The following SIDT1 variants were observed in gnomAD, a reference collection of about 807,000 sequenced individuals.
SIDT1 encodes SID1 transmembrane family, member 1.
SIDT1 carries 101 observed loss-of-function variants against 107.5 expected under a neutral mutation model. The observed-to-expected ratio is 0.94, with a 90% confidence interval of 0.80 to 1.11. The LOEUF is 1.11. Ranked by LOEUF, SIDT1 falls within the 50% of genes least tolerant of loss-of-function variation. The pLI is 0.00. For synonymous variants in SIDT1, 395 were observed against 398.2 expected (o/e 0.99, Z 0.10); for missense variants, 1,076 against 1,058.2 (o/e 1.02, Z -0.23).
intron 1 of SIDT1, among the ~76,000 whole-genome samples, chr3:113,555,671 TG>T (rs1940775045): frequency 6.6e-6 from 1 of 152,172 alleles, no homozygotes; most frequent in African/African-American, 2.4e-5. Context: ...GTCTGGAAAC[TG>T]CTTCTTTCTG....
At chr3:113,556,888 C>T (rs1315612002) in intron 1 of SIDT1, among the ~76,000 whole-genome samples, 1 of 139,644 alleles carries the variant, frequency 7.2e-6, no homozygotes, top group Non-Finnish European at 1.5e-5. Flanking sequence ...GGCAGGATCT[C>T]GCCTCACCGC....
chr3:113,636,445 C>A, the SIDT1 span, among the ~76,000 whole-genome samples: 1 of 151,966 alleles, frequency 6.6e-6, no homozygotes, highest in Non-Finnish European at 1.5e-5. Context: ...ATTTGCACAT[C>A]GCTTCATGGC....
chr3:113,620,604 TG>T (rs3841950), intron 21 of SIDT1, among the ~76,000 whole-genome samples: 4,371 of 152,196 alleles, frequency 0.029, 132 homozygotes, highest in East Asian at 0.11. Flanking sequence ...GAGTCCTATC[TG>T]GGGGGCATGT....
At chr3:113,593,210 A>G (rs1354008906) in intron 10 of SIDT1, among the ~76,000 whole-genome samples, 162 bp downstream of exon 10, 3 of 152,186 alleles carry the variant, frequency 2.0e-5, no homozygotes, top group Non-Finnish European at 4.4e-5. Flanking sequence ...AAAGCTAGTG[A>G]AAACCAATTC....
At chr3:113,588,994 C>T (rs1250201604) in intron 9 of SIDT1, among the ~76,000 whole-genome samples, 1 of 152,284 alleles carries the variant, frequency 6.6e-6, no homozygotes, top group African/African-American at 2.4e-5. Flanking sequence ...GGGCTGGCCT[C>T]AGCTGCACTT....
chr3:113,634,698 G>A, the SIDT1 span, among the ~76,000 whole-genome samples: 35 of 152,202 alleles, frequency 2.3e-4, no homozygotes, highest in African/African-American at 8.4e-4. Flanking sequence ...CAGCTACTAG[G>A]GAGGCTGAGG....
chr3:113,596,609 G>A (rs924330034), intron 10 of SIDT1, among the ~76,000 whole-genome samples: 2 of 152,080 alleles, frequency 1.3e-5, no homozygotes, highest in Non-Finnish European at 2.9e-5. Flanking sequence ...CCAAAGACAG[G>A]GCATCTGTGA....
rs146236482 is a variant in SIDT1, at chr3:113,588,077, A to G, written c.1001+2807A>G. Among the ~76,000 whole-genome samples the G allele has an allele frequency of 2.6e-5, 4 of 152,346 alleles. No individual in the cohort carries two copies. The East Asian group carries it at 7.7e-4, about 29-fold the overall frequency. Reference sequence around the variant, plus strand: ...CAGGAGTGTTCCTCATTAGTTAGCTAGTATAGTTAACATACAAACAGACAA... The same window carrying G: ...CAGGAGTGTTCCTCATTAGTTAGCTGGTATAGTTAACATACAAACAGACAA... On this transcript the variant is annotated intron_variant, in intron 9 of 24. Transcript: ENST00000264852.
intron 7 of SIDT1, 116 bp downstream of exon 7, chr3:113,583,612 G>A: frequency 3.3e-6 from 2 of 608,488 alleles, no homozygotes; most frequent in East Asian, 2.7e-5. Flanking sequence ...CCATCATCAT[G>A]ATGGGAAAGG....
chr3:113,601,817 G>A, intron 11 of SIDT1, 158 bp downstream of exon 11: 1 of 544,838 alleles, frequency 1.8e-6, no homozygotes, highest in Non-Finnish European at 3.2e-6. Context: ...AGATTTGGAA[G>A]CTTCCTCCCA....
In SIDT1 at chr3:113,604,918, T is replaced by A. The variant is rs1421380138; in HGVS notation, c.1346T>A (p.Ile449Asn). The A allele has an allele frequency of 1.2e-6, 2 of 1,614,114 alleles. No homozygotes were observed. Among genetic ancestry groups the A allele is most frequent in the Admixed American group, 1.7e-5 (1 of 60,024 alleles). The change falls in exon 14 of 25, where the codon ATC becomes AAC. Residue 449 changes from isoleucine (I) to asparagine (N), a missense_variant. Ile to Asn is a moderately radical substitution (Grantham distance 149). Coordinates refer to ENST00000264852, the MANE Select transcript of SIDT1 (RefSeq NM_017699.3). ...TCTTTCTGCCTGCATAGGAACATCA[T>A]CACCATTGCTGTGTTTTACGCGCTG... Reference protein sequence around the residue: ...KKYKIYFWNIITIAVFYALPV... With the variant: ...KKYKIYFWNINTIAVFYALPV...
chr3:113,560,770 A>T (rs1392051103), intron 1 of SIDT1, among the ~76,000 whole-genome samples: 1 of 152,178 alleles, frequency 6.6e-6, no homozygotes, highest in Non-Finnish European at 1.5e-5. Context: ...AGCAAAAATA[A>T]ACTAGATTTT....
intron 1 of SIDT1, among the ~76,000 whole-genome samples, chr3:113,537,099 T>G (rs1228487367): frequency 3.3e-5 from 5 of 152,224 alleles, no homozygotes; most frequent in Non-Finnish European, 7.3e-5. Flanking sequence ...AAGAAACCCT[T>G]AAATAAAATC....
chr3:113,542,766 T>C (rs2107604968), intron 1 of SIDT1, among the ~76,000 whole-genome samples: 1 of 152,316 alleles, frequency 6.6e-6, no homozygotes, highest in East Asian at 1.9e-4. Context: ...CATAGCTTCC[T>C]TCTTTCATTT....
intron 1 of SIDT1, among the ~76,000 whole-genome samples, chr3:113,546,216 TAA>T (rs1023015879): frequency 1.3e-5 from 2 of 152,188 alleles, no homozygotes; most frequent in Non-Finnish European, 2.9e-5. Flanking sequence ...ATTGAAGCAT[TAA>T]GAGTCATTGT....
chr3:113,623,106 G>A (rs1228908103), intron 21 of SIDT1, among the ~76,000 whole-genome samples: 2 of 146,432 alleles, frequency 1.4e-5, no homozygotes, highest in Admixed American at 7.0e-5. Context: ...TGGAAGGATC[G>A]CTTGAGTCCA....
Position 113,616,142 on chromosome 3 carries a change from A to C in SIDT1, c.2009A>C (p.Asp670Ala), listed in dbSNP as rs1227013371. 4 of 1,613,802 alleles carry C rather than the reference A, an allele frequency of 2.5e-6. No homozygotes were observed. The highest frequency in any genetic ancestry group is 3.3e-5 in the Admixed American group (2 of 60,008). Residue 670 changes from aspartate to alanine, a missense_variant, in exon 20 of 25, where the codon GAC (aspartate) becomes GCC (alanine). By Grantham distance (126) the Asp-to-Ala change is moderately radical (BLOSUM62 -2). Coordinates refer to ENST00000264852, the MANE Select transcript of SIDT1 (RefSeq NM_017699.3). ...FRRAAMVFYT[D>A]CIQQCSRPLY... ...CGGGCTGCCATGGTGTTCTACACAG[A>C]CTGTATCCAGCAGTGTAGCCGACCT...
intron 1 of SIDT1, among the ~76,000 whole-genome samples, chr3:113,543,518 G>T (rs1422821526): frequency 6.6e-6 from 1 of 152,044 alleles, no homozygotes; most frequent in Non-Finnish European, 1.5e-5. Flanking sequence ...TTGATAACTT[G>T]CTCCCACCCA....
At chr3:113,605,806 C>A (rs562713353) in intron 14 of SIDT1, among the ~76,000 whole-genome samples, 2 of 151,902 alleles carry the variant, frequency 1.3e-5, no homozygotes, top group Admixed American at 1.3e-4. Flanking sequence ...GAGTTTGAGA[C>A]CAGCCTGGGC....
Sources: gnomAD v4.1 joint callset for allele counts (sites outside exome capture counted in the v4.1 genomes callset) on GRCh38, gnomAD v4.1.1 for gene constraint, MANE v1.5 for transcripts, NCBI Gene and HGNC (gene_info 2026-07-23, HGNC 2026-07-21) for gene names.